The following PIAS1 variants were observed in gnomAD, a reference collection of about 807,000 sequenced individuals.
PIAS1 encodes the protein protein inhibitor of activated STAT 1.
PIAS1 carries 6 observed loss-of-function variants against 71.3 expected under a neutral mutation model. The observed-to-expected ratio is 0.08, with a 90% CI of 0.05 to 0.17. The LOEUF (loss-of-function observed/expected upper bound fraction) is 0.17. Among genes scored for constraint, PIAS1 ranks in the 10% least tolerant of loss-of-function variants. The pLI is 1.00. For missense variants in PIAS1, 555 were observed against 793.6 expected (o/e 0.70, Z 3.61); for synonymous variants, 303 against 292.9 (o/e 1.03, Z -0.35).
intron 12 of PIAS1, among the ~76,000 whole-genome samples, chr15:68,182,907 C>T (rs866193422): frequency 1.3e-4 from 20 of 152,162 alleles, no homozygotes; most frequent in African/African-American, 4.8e-4. Flanking sequence ...TTATCTATAG[C>T]TGCGTGTTTT....
chr15:68,072,869 T>C (rs540279143), intron 1 of PIAS1, among the ~76,000 whole-genome samples: 68 of 152,352 alleles, frequency 4.5e-4, no homozygotes, highest in African/African-American at 1.6e-3. Context: ...TCATTCTTTG[T>C]AGGATTAAGT....
intron 1 of PIAS1, chr15:68,061,271 A>G (rs1055097671): frequency 1.3e-5 from 2 of 152,240 alleles, no homozygotes; most frequent in Admixed American, 6.5e-5. Context: ...GTCTTTAACC[A>G]TCAATTTCAG....
intron 7 of PIAS1, among the ~76,000 whole-genome samples, chr15:68,157,193 G>A (rs2092896555): frequency 6.6e-6 from 1 of 152,194 alleles, no homozygotes; most frequent in African/African-American, 2.4e-5. Context: ...GACTTGTGGT[G>A]TTTGAGATGG....
Position 68,193,784 on chromosome 15 carries a change from G to T in PIAS1, c.*5949G>T. The T allele has an allele frequency of 2.2e-6, 1 of 451,858 alleles. No homozygotes were observed. The highest frequency in any genetic ancestry group is 4.0e-6 in the Non-Finnish European group (1 of 249,816). 28.0% of individuals were successfully genotyped at this position (451,858 alleles called of 1,614,324 possible). ...CCGCAGGCTCCTTCCATGCTTGAAA[G>T]GGCCGGACTCACGGTAGTTAATAAA... On this transcript the variant is annotated 3_prime_UTR_variant, in exon 14 of 14. Transcript: ENST00000249636.
At position 68,181,276 on chromosome 15, in the gene PIAS1, A is replaced by G. The variant is rs770199974; in HGVS notation, c.1546A>G (p.Thr516Ala). 4 of 1,613,454 alleles carry G rather than the reference A, an allele frequency of 2.5e-6. No individual in the cohort carries two copies. Among genetic ancestry groups the G allele is most frequent in the East Asian group, 4.5e-5 (2 of 44,872 alleles). ...CACCCCAAGCCTTCCTGCTGTAGAC[A>G]CAAGCTACATTAATACCTCCCTCAT... is the stretch of plus-strand genomic sequence containing the variant. ...SRTPSLPAVD[T>A]SYINTSLIQD... The change falls in exon 12 of 14, where the codon ACA becomes GCA. Residue 516 changes from threonine to alanine, a missense_variant. By Grantham distance (58) the Thr-to-Ala change is moderately conservative. Transcript: ENST00000249636.
chr15:68,134,624 C>CT (rs1197326233), intron 2 of PIAS1, among the ~76,000 whole-genome samples: 2 of 37,618 alleles, frequency 5.3e-5, no homozygotes, highest in African/African-American at 9.9e-5. Context: ...GGGGGCTAAC[C>CT]CCCCCCACCT....
At chr15:68,153,514 C>T in intron 6 of PIAS1, 76 bp from the exon 7 acceptor site, 2 of 672,538 alleles carry the variant, frequency 3.0e-6, no homozygotes, top group Non-Finnish European at 5.2e-6. Context: ...TTTTCTTTCC[C>T]TATCATGGTG....
Position 68,054,417 on chromosome 15 carries a change from G to C in PIAS1, c.24+67G>C, listed in dbSNP as rs1217217184. 2 of 1,516,144 alleles carry C rather than the reference G, an allele frequency of 1.3e-6. No individual in the cohort carries two copies. Among genetic ancestry groups the C allele is most frequent in the East Asian group, 2.5e-5 (1 of 40,466 alleles). 93.9% of individuals were successfully genotyped at this position (1,516,144 alleles called of 1,614,324 possible). ...AGACGGCGCCGCTGCTGCCAGGGGG[G>C]ATGGGTCCGACCCTGGGGGGCCTCT... On this transcript the variant is annotated intron_variant, in intron 1 of 13. Transcript: ENST00000249636. This position sits in a 1 kb window ranked among gnomAD's most constrained non-coding sequence, Gnocchi z 4.6.
chr15:68,119,832 A>G (rs539801674), intron 2 of PIAS1, among the ~76,000 whole-genome samples: 6 of 152,210 alleles, frequency 3.9e-5, no homozygotes, highest in South Asian at 2.1e-4. Flanking sequence ...TTTTTGCTTC[A>G]TGTATTTGGA....
Position 68,119,756 on chromosome 15 carries a change from G to C in PIAS1, c.470-22190G>C, listed in dbSNP as rs543917608. 2.2e-4 allele frequency among the ~76,000 whole-genome samples: 34 copies of C among 152,230 alleles called. No individual in the cohort carries two copies. In the South Asian group the frequency reaches 7.1e-3, roughly 32 times the overall value. On this transcript the variant is annotated intron_variant, in intron 2 of 13. Transcript: ENST00000249636. ...GTCCAGTTGTTCTATCACTTATTGA[G>C]AGAGGGATGTTAAAATCTTTGCTCA...
intron 2 of PIAS1, among the ~76,000 whole-genome samples, chr15:68,132,336 G>T (rs909673943): frequency 6.6e-6 from 1 of 152,048 alleles, no homozygotes; most frequent in South Asian, 2.1e-4. Context: ...AAATCAGGGC[G>T]TGGTGGCCCT....
At chr15:68,141,873 G>A (rs1313413121) in intron 2 of PIAS1, 73 bp from the exon 3 acceptor site, 3 of 660,830 alleles carry the variant, frequency 4.5e-6, no homozygotes, top group South Asian at 2.0e-5. Context: ...AGACATGTGT[G>A]TTTTTTTTTT....
At chr15:68,059,600 A>C (rs1342909024) in intron 1 of PIAS1, among the ~76,000 whole-genome samples, 1 of 150,918 alleles carries the variant, frequency 6.6e-6, no homozygotes, top group Non-Finnish European at 1.5e-5. Context: ...AATCTCAGCT[A>C]CTCAGGAGGC....
intron 2 of PIAS1, among the ~76,000 whole-genome samples, chr15:68,115,038 C>T (rs1002782110): frequency 1.3e-5 from 2 of 152,034 alleles, no homozygotes; most frequent in African/African-American, 4.8e-5. Flanking sequence ...ATTGTAAGTA[C>T]CCTTAATTAT....
At chr15:68,111,931 C>T (rs933555823) in intron 2 of PIAS1, among the ~76,000 whole-genome samples, 2 of 152,124 alleles carry the variant, frequency 1.3e-5, no homozygotes, top group Non-Finnish European at 2.9e-5. Flanking sequence ...ATACACTCTC[C>T]ATACACTTTC....
intron 2 of PIAS1, among the ~76,000 whole-genome samples, chr15:68,122,215 G>A (rs1026157134): frequency 6.6e-6 from 1 of 152,260 alleles, no homozygotes; most frequent in South Asian, 2.1e-4. Flanking sequence ...CTCAGGGGAA[G>A]CATCAAAGGG....
At chr15:68,082,192 T>C (rs1324553067) in intron 1 of PIAS1, among the ~76,000 whole-genome samples, 1 of 152,034 alleles carries the variant, frequency 6.6e-6, no homozygotes, top group Non-Finnish European at 1.5e-5. Context: ...ACATCGTACC[T>C]CACATGCCCC....
chr15:68,073,249 C>T (rs1597132146), intron 1 of PIAS1, among the ~76,000 whole-genome samples: 2 of 152,156 alleles, frequency 1.3e-5, no homozygotes, highest in African/African-American at 4.8e-5. Context: ...GATCTCCTGA[C>T]CTCGTGATCT....
intron 2 of PIAS1, among the ~76,000 whole-genome samples, chr15:68,129,938 T>C (rs2092678287): frequency 6.6e-6 from 1 of 152,046 alleles, no homozygotes; most frequent in Non-Finnish European, 1.5e-5. Flanking sequence ...GCAGCTAGAT[T>C]ATGGGGTAGA....
Sources: allele counts gnomAD v4.1 joint callset (sites outside exome capture counted in the v4.1 genomes callset), GRCh38; gene constraint gnomAD v4.1.1; non-coding constraint Gnocchi (gnomAD v3.1); transcripts MANE v1.5; gene names NCBI Gene and HGNC (gene_info 2026-07-23, HGNC 2026-07-21).